The following TMEM167B variants were observed in gnomAD, a reference collection of about 807,000 sequenced individuals.
The protein encoded by TMEM167B is protein kish-B.
A neutral mutation model predicts 9.4 loss-of-function variants in TMEM167B; 2 were observed. The observed-to-expected ratio is 0.21, with a 90% CI of 0.09 to 0.67. The LOEUF is 0.67. Among genes scored for constraint, TMEM167B ranks in the 30% least tolerant of loss-of-function variants. The probability of loss-of-function intolerance (pLI) is 0.82; values close to 1 mark genes in which losing one functional copy is unlikely to be tolerated. For missense variants in TMEM167B, 68 were observed against 87.6 expected (o/e 0.78, Z 0.89); for synonymous variants, 28 against 32.0 (o/e 0.87, Z 0.42).
intron 1 of TMEM167B, 133 bp from the exon 2 acceptor site, chr1:109,092,757 G>C (rs890849597): frequency 7.9e-6 from 8 of 1,011,606 alleles, no homozygotes; most frequent in African/African-American, 6.5e-5. Flanking sequence ...CCCTTGTCAA[G>C]TGTCAGTACT....
chr1:109,093,099 G>T lies in TMEM167B; in HGVS notation c.142+78G>T, dbSNP rs1025502029. 7.7e-6 allele frequency: 12 copies of T among 1,550,154 alleles called. No individual in the cohort carries two copies. In the African/African-American group the frequency reaches 1.7e-4, roughly 21 times the overall value. On this transcript the variant is annotated intron_variant, in intron 2 of 2. Transcript: ENST00000338272. ...AGCTACAAAGTAGGGAGTACAGTGA[G>T]CTGGGATTATATTTGGTTTCATTTT...
chr1:109,091,917 G>C (rs918360516), intron 1 of TMEM167B, among the ~76,000 whole-genome samples: 8 of 152,174 alleles, frequency 5.3e-5, no homozygotes, highest in African/African-American at 1.9e-4. Context: ...GAAGTCAGAG[G>C]TCTCAGGATA....
intron 1 of TMEM167B, among the ~76,000 whole-genome samples, chr1:109,091,469 A>G (rs755322206): frequency 2.0e-5 from 3 of 152,348 alleles, no homozygotes; most frequent in Non-Finnish European, 4.4e-5. Context: ...ATGATGAGGC[A>G]GTTTATCTGA....
intron 2 of TMEM167B, chr1:109,093,673 T>C (rs1664504868): frequency 1.3e-5 from 2 of 152,282 alleles, no homozygotes; most frequent in African/African-American, 4.8e-5. Flanking sequence ...AAATGGTACA[T>C]TGGAGTCTGT....
chr1:109,092,045 T>A (rs1052926478), intron 1 of TMEM167B, among the ~76,000 whole-genome samples: 2 of 152,218 alleles, frequency 1.3e-5, no homozygotes, highest in Admixed American at 6.5e-5. Context: ...TCCCCCATTT[T>A]GTGGTCCAAT....
At chr1:109,091,705 A>G (rs1180517158) in intron 1 of TMEM167B, 1 of 152,228 alleles carries the variant, frequency 6.6e-6, no homozygotes, top group Non-Finnish European at 1.5e-5. Context: ...GAATTTTGGC[A>G]TTGTCTGCAG....
In TMEM167B at chr1:109,094,668, T is replaced by C. The variant is rs766061985; in HGVS notation, c.*169T>C. On this transcript the variant is annotated 3_prime_UTR_variant, in exon 3 of 3. Transcript: ENST00000338272. ...GGGGAAAACTCATGGTCACGAACAT[T>C]ATTTATGCTTCAGGGGACTACAGAA... 6.3e-6 allele frequency: 4 copies of C among 638,550 alleles called. No homozygotes were observed. Among genetic ancestry groups the C allele is most frequent in the Non-Finnish European group, 1.1e-5 (4 of 363,466 alleles). 39.6% of individuals were successfully genotyped at this position (638,550 alleles called of 1,614,324 possible).
intron 1 of TMEM167B, among the ~76,000 whole-genome samples, 168 bp from the exon 2 acceptor site, chr1:109,092,722 G>C (rs538253953): frequency 6.6e-6 from 1 of 152,088 alleles, no homozygotes; most frequent in African/African-American, 2.4e-5. Context: ...TAAAATAATC[G>C]TGTTAGTCCC....
intron 1 of TMEM167B, among the ~76,000 whole-genome samples, chr1:109,091,337 A>G (rs941168800): frequency 3.3e-5 from 5 of 152,178 alleles, no homozygotes; most frequent in Non-Finnish European, 5.9e-5. Context: ...AGACCCCACA[A>G]AAGCTTCTTC....
At chr1:109,091,226 G>A (rs1320760961) in intron 1 of TMEM167B, among the ~76,000 whole-genome samples, 1 of 152,166 alleles carries the variant, frequency 6.6e-6, no homozygotes, top group East Asian at 1.9e-4. Flanking sequence ...CCTCCTCCCA[G>A]CTCCCTGCGT....
intron 1 of TMEM167B, among the ~76,000 whole-genome samples, chr1:109,091,223 C>G (rs879855371): frequency 8.5e-5 from 13 of 152,308 alleles, no homozygotes; most frequent in Non-Finnish European, 1.6e-4. Context: ...GCTCCTCCTC[C>G]CAGCTCCCTG....
chr1:109,094,665 C>T lies in TMEM167B; in HGVS notation c.*166C>T, dbSNP rs1664527463. 1 of 645,062 alleles carries T rather than the reference C, an allele frequency of 1.6e-6. No individual in the cohort carries two copies. The highest frequency in any genetic ancestry group is 1.8e-5 in the African/African-American group (1 of 55,250). The allele number at this position is 645,062 out of a possible 1,614,324, so 40.0% of individuals were successfully genotyped here. A position where few individuals can be genotyped will look rare whatever the true frequency, so the allele number is the denominator to read the frequency against. ...TGTGGGGAAAACTCATGGTCACGAACATTATTTATGCTTCAGGGGACTACA... is the reference window on the plus strand; with the variant it reads ...TGTGGGGAAAACTCATGGTCACGAATATTATTTATGCTTCAGGGGACTACA... On this transcript the variant is annotated 3_prime_UTR_variant, in exon 3 of 3. Transcript: ENST00000338272.
rs1004406252 is a variant in TMEM167B, at chr1:109,095,361, G to A, written c.*862G>A. The A allele has an allele frequency of 6.6e-6, 1 of 152,050 alleles. No individual in the cohort carries two copies. Among genetic ancestry groups the A allele is most frequent in the Non-Finnish European group, 1.5e-5 (1 of 68,028 alleles). 9.4% of individuals were successfully genotyped at this position (152,050 alleles called of 1,614,324 possible). ...TCAGTTTTAAATGCCACGACTAGGG[G>A]AAAAAGAAACTATTGAAGAAATAAT... On this transcript the variant is annotated 3_prime_UTR_variant, in exon 3 of 3. Transcript: ENST00000338272.
At chr1:109,092,715 A>G (rs1488145256) in intron 1 of TMEM167B, among the ~76,000 whole-genome samples, 175 bp from the exon 2 acceptor site, 1 of 152,084 alleles carries the variant, frequency 6.6e-6, no homozygotes, top group Non-Finnish European at 1.5e-5. Flanking sequence ...GGAACAGTAA[A>G]ATAATCGTGT....
At chr1:109,092,743 C>T (rs1664478252) in intron 1 of TMEM167B, 147 bp from the exon 2 acceptor site, 3 of 909,104 alleles carry the variant, frequency 3.3e-6, no homozygotes, top group Non-Finnish European at 5.0e-6. Context: ...AGGATCCTGG[C>T]TCCCCCTTGT....
At chr1:109,093,232 C>T (rs1478233805) in intron 2 of TMEM167B, 2 of 608,842 alleles carry the variant, frequency 3.3e-6, no homozygotes, top group African/African-American at 3.7e-5. Context: ...TGGCTCATGC[C>T]TATAATCTCA....
rs1664545186 is a variant in TMEM167B, at chr1:109,095,444, A to G, written c.*945A>G. ...AGAAATCTAGTATATTGATTCATAT[A>G]CTAGTAAATTCATCTAGTATAAGAA... On this transcript the variant is annotated 3_prime_UTR_variant, in exon 3 of 3. Coordinates refer to ENST00000338272, the MANE Select transcript of TMEM167B (RefSeq NM_020141.4). 1.3e-5 allele frequency: 2 copies of G among 152,210 alleles called. No individual in the cohort carries two copies. The highest frequency in any genetic ancestry group is 1.5e-5 in the Non-Finnish European group (1 of 68,046). The allele number at this position is 152,210 out of a possible 1,614,324, so 9.4% of individuals were successfully genotyped here.
chr1:109,094,757 A>C lies in TMEM167B; in HGVS notation c.*258A>C. On this transcript the variant is annotated 3_prime_UTR_variant, in exon 3 of 3. Transcript: ENST00000338272. ...GCAGAGTGCATATAATGTCCGGATAAATTACACCCCTCGGTGATAAGATTA... is the reference window on the plus strand; with the variant it reads ...GCAGAGTGCATATAATGTCCGGATACATTACACCCCTCGGTGATAAGATTA... 1 of 449,098 alleles carries C rather than the reference A, an allele frequency of 2.2e-6. No homozygotes were observed. Among genetic ancestry groups the C allele is most frequent in the South Asian group, 3.2e-5 (1 of 31,704 alleles). 27.8% of individuals were successfully genotyped at this position (449,098 alleles called of 1,614,324 possible).
chr1:109,093,442 T>C (rs1457620528), intron 2 of TMEM167B: 3 of 159,424 alleles, frequency 1.9e-5, no homozygotes, highest in African/African-American at 7.3e-5. Flanking sequence ...CAGTGAGCCA[T>C]GGTGGAGCCA....
Sources: gnomAD v4.1 joint callset for allele counts (sites outside exome capture counted in the v4.1 genomes callset) on GRCh38, gnomAD v4.1.1 for gene constraint, MANE v1.5 for transcripts, NCBI Gene and HGNC (gene_info 2026-07-23, HGNC 2026-07-21) for gene names.